Variants in FLG2 observed in about 807,000 individuals in gnomAD.
The protein encoded by FLG2 is filaggrin-2.
FLG2 carries 7 observed loss-of-function variants against 3.9 expected under a neutral mutation model. That is an observed-to-expected ratio of 1.79 (90% CI 1.02 to 3.36). The LOEUF is 3.36. Among genes scored for constraint, FLG2 ranks in the 30% most tolerant of loss-of-function variants. FLG2 has a pLI of 0.00. For missense variants in FLG2, 2,700 were observed against 2,809.4 expected, an observed-to-expected ratio of 0.96 and a Z score of 0.88; for synonymous variants, 1,031 against 1,056.1, an observed-to-expected ratio of 0.98 and a Z score of 0.46.
At position 152,348,746 on chromosome 1, in the gene FLG2, G is replaced by A. The variant is rs1570933695; in HGVS notation, c.*1864C>T. On this transcript the variant is annotated 3_prime_UTR_variant, in exon 3 of 3. Coordinates refer to ENST00000388718, the MANE Select transcript of FLG2 (RefSeq NM_001014342.3). ...AAGAGAAGAGAAACTATAACTTGAT[G>A]AAATGTTTATTGCCAATTTTTATGA... 1 of 152,148 alleles carries A rather than the reference G, an allele frequency of 6.6e-6. No individual in the cohort carries two copies. The highest frequency in any genetic ancestry group is 1.9e-4 in the East Asian group (1 of 5,198). 9.4% of individuals were successfully genotyped at this position (152,148 alleles called of 1,614,324 possible).
At position 152,353,124 on chromosome 1, in the gene FLG2, G is replaced by A; in HGVS notation, c.4662C>T (p.Ser1554=). 1.9e-6 allele frequency: 3 copies of A among 1,613,796 alleles called. No individual in the cohort carries two copies. The South Asian group carries it at 3.3e-5, about 18-fold the overall frequency. The change falls in exon 3 of 3, where the codon TCC becomes TCT. Residue 1554 remains serine, a synonymous_variant. Coordinates refer to ENST00000388718, the MANE Select transcript of FLG2 (RefSeq NM_001014342.3). ...GTGTGGTTTGTTCATGACCAGAGTA[G>A]GAATGTCTAGTGGTATCTCCTGTCT... ...HGQTGDTTRH[S]YSGHEQTTQT... is the part of the protein sequence containing the mutation.
rs1557898661 is a variant in FLG2, at chr1:152,355,239, A to G, written c.2547T>C (p.Gly849=). The change falls in exon 3 of 3, where the codon GGT becomes GGC. Residue 849 remains glycine, a synonymous_variant. Coordinates refer to ENST00000388718, the MANE Select transcript of FLG2 (RefSeq NM_001014342.3). Reference sequence around the variant, plus strand: ...AGCCAGATGATTGACTTGAGCCAGAACCATGTTGGCCATAGCTGGACTGAT... The same window carrying G: ...AGCCAGATGATTGACTTGAGCCAGAGCCATGTTGGCCATAGCTGGACTGAT... ...RSHQSSYGQH[G]SGSSQSSGYG... The G allele has an allele frequency of 3.7e-6, 6 of 1,611,526 alleles. No homozygotes were observed. The highest frequency in any genetic ancestry group is 3.3e-5 in the South Asian group (3 of 90,822).
At position 152,352,253 on chromosome 1, in the gene FLG2, C is replaced by T. The variant is rs752661362; in HGVS notation, c.5533G>A (p.Gly1845Arg). The T allele has an allele frequency of 1.9e-6, 3 of 1,613,694 alleles. No homozygotes were observed. The Admixed American group carries it at 5.0e-5, about 27-fold the overall frequency. ...ESESIVDERH[G>R]TTHGQTGDTS... is the part of the protein sequence containing the mutation. ...TCTCCTGTCTGTCCATGAGTAGTTC[C>T]ATGTCTCTCGTCAACTATGGATTCT... is the stretch of plus-strand genomic sequence containing the variant. The change falls in exon 3 of 3, where the codon GGA (glycine) becomes AGA (arginine). Residue 1845 changes from glycine to arginine, a missense_variant. Physicochemically the swap from Gly to Arg is moderately radical, Grantham distance 125. Transcript: ENST00000388718.
In FLG2 at chr1:152,353,296, CT is replaced by C. The variant is rs1392546381; in HGVS notation, c.4489del (p.Arg1497GlyfsTer39). On this transcript the variant is annotated frameshift_variant, in exon 3 of 3. Coordinates refer to ENST00000388718, the MANE Select transcript of FLG2 (RefSeq NM_001014342.3). LOFTEE classifies it low-confidence loss of function (END_TRUNC). ...ACTGGACTCACTGTGGCCAGATCCCCTTCTTCCAGTTGTACTGGACCCTCTC... is the reference window on the plus strand; with the variant it reads ...ACTGGACTCACTGTGGCCAGATCCCCTCTTCCAGTTGTACTGGACCCTCTC... ...TQRGSSTTGR[R>X]GSGHSESSDS... 1 of 1,606,682 alleles carries C rather than the reference CT, an allele frequency of 6.2e-7. No individual in the cohort carries two copies. Among genetic ancestry groups the C allele is most frequent in the South Asian group, 1.1e-5 (1 of 89,940 alleles).
chr1:152,357,536 C>T lies in FLG2; in HGVS notation c.250G>A (p.Ala84Thr). The part of the protein sequence containing the change: ...FLLMIFKLTM[A>T]CNKVLSKEYC... The stretch of plus-strand genomic sequence containing the variant: ...TCTTTGCTGAGGACCTTGTTGCAGG[C>T]CATAGTCAGCTTGAATATCATCAAA... Residue 84 changes from alanine (A) to threonine (T), a missense_variant, in exon 3 of 3, where the codon GCC becomes ACC. Physicochemically the swap from Ala to Thr is moderately conservative, Grantham distance 58 (BLOSUM62 0). Coordinates refer to ENST00000388718, the MANE Select transcript of FLG2 (RefSeq NM_001014342.3). The T allele has an allele frequency of 6.2e-7, 1 of 1,613,998 alleles. No individual in the cohort carries two copies. Among genetic ancestry groups the T allele is most frequent in the Non-Finnish European group, 8.5e-7 (1 of 1,179,994 alleles).
Position 152,351,663 on chromosome 1 carries a change from C to A in FLG2, c.6123G>T (p.Gly2041=), listed in dbSNP as rs543978608. 6.2e-7 allele frequency: 1 copy of A among 1,610,678 alleles called. No homozygotes were observed. Among genetic ancestry groups the A allele is most frequent in the South Asian group, 1.1e-5 (1 of 90,772 alleles). The change falls in exon 3 of 3, where the codon GGG becomes GGT. Residue 2041 remains glycine, a synonymous_variant. Transcript: ENST00000388718. ...CGTGTCCTGAATGTGTGTGTGAGACCCCTGAGTGCCCTTCACTGTCACTGT... is the reference window on the plus strand; with the variant it reads ...CGTGTCCTGAATGTGTGTGTGAGACACCTGAGTGCCCTTCACTGTCACTGT... The part of the protein sequence containing the change: ...SEYSDSEGHS[G]VSHTHSGHAH...
Position 152,356,699 on chromosome 1 carries a change from G to C in FLG2, c.1087C>G (p.Pro363Ala), listed in dbSNP as rs752217878. 1.2e-6 allele frequency: 2 copies of C among 1,614,158 alleles called. No individual in the cohort carries two copies. Among genetic ancestry groups the C allele is most frequent in the Non-Finnish European group, 1.7e-6 (2 of 1,180,028 alleles). The change falls in exon 3 of 3, where the codon CCA (proline) becomes GCA (alanine). Residue 363 changes from proline (P) to alanine (A), a missense_variant. Coordinates refer to ENST00000388718, the MANE Select transcript of FLG2 (RefSeq NM_001014342.3). ...RGYGARENGQ[P>A]QNCGGQWRTG... Reference sequence around the variant, plus strand: ...CTCCATTGTCCTCCACAGTTCTGTGGTTGACCATTTTCTCTAGCTCCATAT... The same window carrying C: ...CTCCATTGTCCTCCACAGTTCTGTGCTTGACCATTTTCTCTAGCTCCATAT...
Position 152,356,313 on chromosome 1 carries a change from G to T in FLG2, c.1473C>A (p.Gly491=). The T allele has an allele frequency of 6.2e-7, 1 of 1,614,140 alleles. No individual in the cohort carries two copies. The change falls in exon 3 of 3, where the codon GGC becomes GGA. Residue 491 remains glycine (G), a synonymous_variant. Transcript: ENST00000388718. ...QHGSGSGQSS[G]FGQCGSGSGQ... The stretch of plus-strand genomic sequence containing the variant: ...CTGAGCCTGACCCACATTGTCCAAA[G>T]CCAGAGGACTGACCTGAGCCAGACC...
Position 152,351,124 on chromosome 1 carries a change from G to T in FLG2, c.6662C>A (p.Thr2221Asn). The change falls in exon 3 of 3, where the codon ACT becomes AAT. Residue 2221 changes from threonine to asparagine, a missense_variant. Thr to Asn is a moderately conservative substitution (Grantham distance 65). Transcript: ENST00000388718. Reference sequence around the variant, plus strand: ...GGTATCTCCTGTCTGTCCATGAGTAGTTCCCTGTCTCCCATGACCTGAGGA... The same window carrying T: ...GGTATCTCCTGTCTGTCCATGAGTATTTCCCTGTCTCCCATGACCTGAGGA... The part of the protein sequence containing the change: ...SGSSGHGRQG[T>N]THGQTGDTTR... 1 of 1,613,982 alleles carries T rather than the reference G, an allele frequency of 6.2e-7. No homozygotes were observed. Among genetic ancestry groups the T allele is most frequent in the Non-Finnish European group, 8.5e-7 (1 of 1,179,996 alleles).
rs773959307 is a variant in FLG2 at position 152,352,208 on chromosome 1, A to G, written c.5578T>C (p.Ser1860Pro). 1.9e-5 allele frequency: 30 copies of G among 1,613,000 alleles called. No homozygotes were observed. Among genetic ancestry groups the G allele is most frequent in the Non-Finnish European group, 2.5e-5 (29 of 1,179,816 alleles). The part of the protein sequence containing the change: ...QTGDTSGHSQ[S>P]GHGQSTQSGS... ...GACTGTGTGGACTGTCCATGACCAG[A>G]TTGAGAATGTCCACTGGTATCTCCT... is the stretch of plus-strand genomic sequence containing the variant. The change falls in exon 3 of 3, where the codon TCT becomes CCT. Residue 1860 changes from serine (S) to proline (P), a missense_variant. Coordinates refer to ENST00000388718, the MANE Select transcript of FLG2 (RefSeq NM_001014342.3).
chr1:152,351,397 C>T lies in FLG2; in HGVS notation c.6389G>A (p.Arg2130Lys). ...AGATCCTGACTCTCCATGTTGAGAT[C>T]TGGCTTGGCCATAAGTGTGTCCTGA... ...THSGHTYGQA[R>K]SQHGESGSAI... Residue 2130 changes from arginine to lysine, a missense_variant, in exon 3 of 3, where the codon AGA becomes AAA. Coordinates refer to ENST00000388718, the MANE Select transcript of FLG2 (RefSeq NM_001014342.3). 1 of 1,613,742 alleles carries T rather than the reference C, an allele frequency of 6.2e-7. No homozygotes were observed. Among genetic ancestry groups the T allele is most frequent in the Non-Finnish European group, 8.5e-7 (1 of 1,179,948 alleles).
At position 152,352,106 on chromosome 1, in the gene FLG2, G is replaced by A. The variant is rs1653961712; in HGVS notation, c.5680C>T (p.His1894Tyr). The change falls in exon 3 of 3, where the codon CAT becomes TAT. Residue 1894 changes from histidine to tyrosine, a missense_variant. Transcript: ENST00000388718. ...SDSEVHSGGSHTHSGHTHSQA... is the reference protein window; with the variant it reads ...SDSEVHSGGSYTHSGHTHSQA... ...CTGTGTGTGTGTCCTGAATGTGTAT[G>A]TGAGCCCCCTGAGTGCACTTCACTG... The A allele has an allele frequency of 6.2e-7, 1 of 1,613,582 alleles. No individual in the cohort carries two copies. The highest frequency in any genetic ancestry group is 1.1e-5 in the South Asian group (1 of 91,052).
chr1:152,352,857 G>A lies in FLG2; in HGVS notation c.4929C>T (p.Ser1643=). 1.2e-6 allele frequency: 2 copies of A among 1,613,590 alleles called. No individual in the cohort carries two copies. Among genetic ancestry groups the A allele is most frequent in the African/African-American group, 1.3e-5 (1 of 74,796 alleles). Residue 1643 remains serine (S), a synonymous_variant, in exon 3 of 3, where the codon TCC becomes TCT. Transcript: ENST00000388718. The part of the protein sequence containing the change: ...SGHGQSTQRG[S]RTTGRQRSSH... ...TAGATCTCTGTCTTCCAGTTGTCCT[G>A]GACCCTCTCTGTGTGGACTGTCCAT...
Position 152,352,367 on chromosome 1 carries a change from T to A in FLG2, c.5419A>T (p.Ser1807Cys). ...GRRSSGHSEY[S>C]DSEGHSGFSQ... ...AACCCTGAGTGCCCTTCACTGTCAC[T>A]GTACTCACTGTGGCCAGATGACCTT... The change falls in exon 3 of 3, where the codon AGT becomes TGT. Residue 1807 changes from serine to cysteine, a missense_variant. Physicochemically the swap from Ser to Cys is moderately radical, Grantham distance 112. Transcript: ENST00000388718. The A allele has an allele frequency of 6.2e-7, 1 of 1,613,914 alleles. No homozygotes were observed. Among genetic ancestry groups the A allele is most frequent in the Non-Finnish European group, 8.5e-7 (1 of 1,179,942 alleles).
intron 1 of FLG2, among the ~76,000 whole-genome samples, chr1:152,359,385 G>A (rs75471155): frequency 0.021 from 3,130 of 152,214 alleles, 113 homozygotes; most frequent in African/African-American, 0.066. Context: ...GGACCCTTAA[G>A]GCCTTCAGCA....
At position 152,351,181 on chromosome 1, in the gene FLG2, CTG is replaced by C; in HGVS notation, c.6603_6604del (p.His2201GlnfsTer30). ...CTGTCCATGTCGAGATCCGGCTTGG[CTG>C]TGAGTGTGTCCTGAATGTGTGGGTG... On this transcript the variant is annotated frameshift_variant, in exon 3 of 3. Transcript: ENST00000388718. LOFTEE classifies it low-confidence loss of function (END_TRUNC). The C allele has an allele frequency of 6.2e-7, 1 of 1,613,778 alleles. No individual in the cohort carries two copies. The highest frequency in any genetic ancestry group is 8.5e-7 in the Non-Finnish European group (1 of 1,179,948).
chr1:152,357,904 A>G (rs896760054), intron 2 of FLG2, among the ~76,000 whole-genome samples: 32 of 152,336 alleles, frequency 2.1e-4, no homozygotes, highest in African/African-American at 7.7e-4. Context: ...TACAGGAAGG[A>G]GTGGAATAAA....
At position 152,353,628 on chromosome 1, in the gene FLG2, C is replaced by T. The variant is rs116882711; in HGVS notation, c.4158G>A (p.Glu1386=). ...QHGESESTVH[E]RHETTYGQTG... ...TCTGTCCATAAGTAGTTTCATGTCT[C>T]TCATGAACTGTGGATTCTGACTCTC... The change falls in exon 3 of 3, where the codon GAG becomes GAA. Residue 1386 remains glutamate, a synonymous_variant. Transcript: ENST00000388718. 3 of 1,613,374 alleles carry T rather than the reference C, an allele frequency of 1.9e-6. No individual in the cohort carries two copies. The highest frequency in any genetic ancestry group is 2.2e-5 in the East Asian group (1 of 44,804).
rs376407875 is a variant in FLG2, at chr1:152,353,654, C to T, written c.4132G>A (p.Gly1378Arg). The change falls in exon 3 of 3, where the codon GGA becomes AGA. Residue 1378 changes from glycine to arginine, a missense_variant. Transcript: ENST00000388718. The part of the protein sequence containing the change: ...QTHSQAGSQH[G>R]ESESTVHERH... ...TCATGAACTGTGGATTCTGACTCTC[C>T]ATGTTGAGATCCAGCTTGGCTGTGA... 9 of 1,613,790 alleles carry T rather than the reference C, an allele frequency of 5.6e-6. No individual in the cohort carries two copies. In the African/African-American group the frequency reaches 1.2e-4, roughly 22 times the overall value.
Sources: allele counts gnomAD v4.1 joint callset (sites outside exome capture counted in the v4.1 genomes callset), GRCh38; gene constraint gnomAD v4.1.1; transcripts MANE v1.5; gene names NCBI Gene and HGNC (gene_info 2026-07-23, HGNC 2026-07-21).